Variants in B3GALT1 observed in about 807,000 individuals in gnomAD.
The protein encoded by B3GALT1 is UDP-Gal:betaGlcNAc beta 1,3-galactosyltransferase, polypeptide 1.
In B3GALT1, 10 loss-of-function variants were observed where a neutral mutation model predicts 23.2. The ratio of observed to expected loss-of-function variants is 0.43; its 90% CI spans 0.27 to 0.73. The LOEUF is 0.73. Ranked by LOEUF, B3GALT1 falls within the 30% of genes least tolerant of loss-of-function variation. The probability of loss-of-function intolerance (pLI) is 0.21; values close to 1 mark genes in which losing one functional copy is unlikely to be tolerated. For synonymous variants in B3GALT1, 156 were observed against 141.5 expected, an observed-to-expected ratio of 1.10 and a Z score of -0.73; for missense variants, 299 against 405.4, an observed-to-expected ratio of 0.74 and a Z score of 2.25.
At chr2:167,344,091 CAT>C (rs1194377409) in intron 1 of B3GALT1, among the ~76,000 whole-genome samples, 8 of 152,242 alleles carry the variant, frequency 5.3e-5, no homozygotes, top group Middle Eastern at 3.4e-3. Context: ...AAAAAATACT[CAT>C]ATAAAATTAT....
chr2:167,531,718 C>T (rs945884710), intron 2 of B3GALT1, among the ~76,000 whole-genome samples: 2 of 152,116 alleles, frequency 1.3e-5, no homozygotes, highest in East Asian at 3.8e-4. Flanking sequence ...TACTGAGAGT[C>T]GTGTTAACTA....
At chr2:167,843,833 G>T (rs1367491867) in intron 4 of B3GALT1, among the ~76,000 whole-genome samples, 1 of 152,202 alleles carries the variant, frequency 6.6e-6, no homozygotes, top group South Asian at 2.1e-4. Flanking sequence ...ATGACTTTCA[G>T]TGGCACTATG....
At chr2:167,585,528 T>C (rs945938410) in intron 2 of B3GALT1, among the ~76,000 whole-genome samples, 1 of 152,192 alleles carries the variant, frequency 6.6e-6, no homozygotes, top group African/African-American at 2.4e-5. Context: ...CTAGAATTGC[T>C]AAAATTTAAG....
intron 3 of B3GALT1, among the ~76,000 whole-genome samples, chr2:167,680,844 A>G (rs958137179): frequency 1.3e-5 from 2 of 152,198 alleles, no homozygotes; most frequent in Admixed American, 1.3e-4. Context: ...AATGAAATAG[A>G]TAAAATAAAA....
At chr2:167,710,000 G>C (rs1226963936) in intron 3 of B3GALT1, among the ~76,000 whole-genome samples, 2 of 152,008 alleles carry the variant, frequency 1.3e-5, no homozygotes, top group Non-Finnish European at 2.9e-5. Flanking sequence ...CAGATAATAT[G>C]TTTTTTCCAC....
rs1156772556 is a variant in B3GALT1 at position 167,294,914 on chromosome 2, T to C, written c.-511+1580T>C. On this transcript the variant is annotated intron_variant, in intron 1 of 4. Coordinates refer to ENST00000392690, the MANE Select transcript of B3GALT1 (RefSeq NM_020981.4). The stretch of plus-strand genomic sequence containing the variant: ...AACCAAACCGCAGAAACCACTTTGA[T>C]TGGGCTCATTTCTGATTTGGTAAAC... Among the ~76,000 whole-genome samples, 5 of 152,166 alleles carry C rather than the reference T, an allele frequency of 3.3e-5. No homozygotes were observed. In the East Asian group the frequency reaches 7.7e-4, roughly 23 times the overall value.
rs118047233 is a variant in B3GALT1, at chr2:167,348,956, G to A, written c.-511+55622G>A. Reference sequence around the variant, plus strand: ...ATTAATCTTTTGTGTAATTGCAGTAGTGAGCAGAGGATTTTGCACCTAGGA... The same window carrying A: ...ATTAATCTTTTGTGTAATTGCAGTAATGAGCAGAGGATTTTGCACCTAGGA... On this transcript the variant is annotated intron_variant, in intron 1 of 4. Transcript: ENST00000392690. Among the ~76,000 whole-genome samples the A allele has an allele frequency of 2.4e-4, 36 of 152,234 alleles. 1 individual carries two copies. The East Asian group carries it at 6.8e-3, about 29-fold the overall frequency.
intron 3 of B3GALT1, among the ~76,000 whole-genome samples, chr2:167,647,289 G>T (rs1685764582): frequency 1.3e-5 from 2 of 152,048 alleles, no homozygotes; most frequent in African/African-American, 4.8e-5. Context: ...TACTTGACTT[G>T]GCTTATATTT....
chr2:167,565,545 GA>G (rs1390529564), intron 2 of B3GALT1, among the ~76,000 whole-genome samples: 1 of 152,130 alleles, frequency 6.6e-6, no homozygotes, highest in Non-Finnish European at 1.5e-5. Flanking sequence ...CACAGCAAAA[GA>G]AACTACCATC....
At chr2:167,837,301 C>T (rs1273848783) in intron 4 of B3GALT1, among the ~76,000 whole-genome samples, 1 of 152,022 alleles carries the variant, frequency 6.6e-6, no homozygotes, top group African/African-American at 2.4e-5. Context: ...TGCAGAGACA[C>T]ACATAGGCTC....
At chr2:167,648,678 CAAATGCCACAT>C (rs1558936451) in intron 3 of B3GALT1, among the ~76,000 whole-genome samples, 1 of 152,108 alleles carries the variant, frequency 6.6e-6, no homozygotes, top group Non-Finnish European at 1.5e-5. Context: ...GTTTAGCCAT[CAAATGCCACAT>C]AAATGCCTTT....
At chr2:167,859,867 A>T (rs542030237) in intron 4 of B3GALT1, among the ~76,000 whole-genome samples, 2 of 152,346 alleles carry the variant, frequency 1.3e-5, no homozygotes, top group African/African-American at 4.8e-5. Context: ...ATCTATGGGT[A>T]GATTTCCTTA....
In B3GALT1 at chr2:167,625,985, A is replaced by ATATATATG. The variant is rs1324767675; in HGVS notation, c.-409-20923_-409-20922insATATATGT. On this transcript the variant is annotated intron_variant, in intron 2 of 4. Coordinates refer to ENST00000392690, the MANE Select transcript of B3GALT1 (RefSeq NM_020981.4). ...TATATATATATATATATATATATAT[A>ATATATATG]TGACCTAAGCCACAGCAATATTTGC... Among the ~76,000 whole-genome samples the ATATATATG allele has an allele frequency of 6.7e-5, 8 of 120,182 alleles. No homozygotes were observed. The East Asian group carries it at 9.9e-4, about 15-fold the overall frequency. The allele number at this position is 120,182 out of a possible 152,430, so 78.8% of individuals were successfully genotyped here. A position where few individuals can be genotyped will look rare whatever the true frequency, so the allele number is the denominator to read the frequency against.
At chr2:167,561,553 C>A (rs367608973) in intron 2 of B3GALT1, among the ~76,000 whole-genome samples, 4,105 of 151,670 alleles carry the variant, frequency 0.027, 96 homozygotes, top group Middle Eastern at 0.11. Flanking sequence ...ATTGATAGAC[C>A]GCTAGCAAGA....
In B3GALT1 at chr2:167,870,513, T is replaced by A. The variant is rs1046615742; in HGVS notation, c.*493T>A. ...ATATATTCCCATGTAATGTGTACAGTCTTTGCAGTTCCACCAAGAAATGAA... is the reference window on the plus strand; with the variant it reads ...ATATATTCCCATGTAATGTGTACAGACTTTGCAGTTCCACCAAGAAATGAA... On this transcript the variant is annotated 3_prime_UTR_variant, in exon 5 of 5. Transcript: ENST00000392690. The A allele has an allele frequency of 1.8e-5, 3 of 167,456 alleles. No homozygotes were observed. The highest frequency in any genetic ancestry group is 7.2e-5 in the African/African-American group (3 of 41,436). The allele number at this position is 167,456 out of a possible 1,614,324, so 10.4% of individuals were successfully genotyped here.
At chr2:167,676,561 A>G (rs944528773) in intron 3 of B3GALT1, among the ~76,000 whole-genome samples, 1 of 151,102 alleles carries the variant, frequency 6.6e-6, no homozygotes, top group Admixed American at 6.6e-5. Flanking sequence ...ACACATATAT[A>G]TGTGTATGCA....
intron 2 of B3GALT1, among the ~76,000 whole-genome samples, chr2:167,646,248 A>T (rs1239173397): frequency 1.3e-5 from 2 of 152,162 alleles, no homozygotes; most frequent in African/African-American, 4.8e-5. Flanking sequence ...GTTCTAAGTG[A>T]ACCAGCAGGT....
Position 167,870,375 on chromosome 2 carries a change from T to G in B3GALT1, c.*355T>G, listed in dbSNP as rs977323202. 5.1e-6 allele frequency: 1 copy of G among 196,588 alleles called. No individual in the cohort carries two copies. The highest frequency in any genetic ancestry group is 2.4e-5 in the African/African-American group (1 of 42,454). The allele number at this position is 196,588 out of a possible 1,614,324, so 12.2% of individuals were successfully genotyped here. A position where few individuals can be genotyped will look rare whatever the true frequency, so the allele number is the denominator to read the frequency against. On this transcript the variant is annotated 3_prime_UTR_variant, in exon 5 of 5. Transcript: ENST00000392690. ...ATGTGTCATATCATCCCTGCAAAAA[T>G]TAATACACAAATAGAAACCATTTTC...
At chr2:167,743,586 C>T (rs953335830) in intron 3 of B3GALT1, among the ~76,000 whole-genome samples, 1 of 151,920 alleles carries the variant, frequency 6.6e-6, no homozygotes, top group Non-Finnish European at 1.5e-5. Flanking sequence ...AACTATTTCA[C>T]TTTTCTATAT....
Sources: gnomAD v4.1 joint callset for allele counts (sites outside exome capture counted in the v4.1 genomes callset) on GRCh38, gnomAD v4.1.1 for gene constraint, MANE v1.5 for transcripts, NCBI Gene and HGNC (gene_info 2026-07-23, HGNC 2026-07-21) for gene names.